KCNMA1: variants seen among roughly 807,000 people sequenced by gnomAD.
The protein encoded by KCNMA1 is Calcium-activated potassium channel subunit alpha-1.
KCNMA1 carries 29 observed loss-of-function variants against 140.0 expected under a neutral mutation model. That is an observed-to-expected ratio of 0.21 (90% confidence interval 0.15 to 0.28). The LOEUF (loss-of-function observed/expected upper bound fraction) is 0.28, where lower values mean the gene tolerates loss of function less well. KCNMA1 is among the 10% of genes least tolerant of loss of function. The pLI is 1.00. For missense variants in KCNMA1, 880 were observed against 1,602.2 expected, an observed-to-expected ratio of 0.55 and a Z score of 7.70; for synonymous variants, 612 against 611.9, an observed-to-expected ratio of 1.00 and a Z score of 0.00.
intron 9 of KCNMA1, chr10:77,090,890 G>A (rs2096797610): frequency 3.3e-6 from 1 of 304,454 alleles, no homozygotes; most frequent in Non-Finnish European, 6.4e-6. Context: ...CGTCCTCCGG[G>A]GAGATTTACT....
chr10:77,423,350 T>A (rs959291254), intron 1 of KCNMA1, among the ~76,000 whole-genome samples: 4 of 152,200 alleles, frequency 2.6e-5, no homozygotes, highest in Non-Finnish European at 5.9e-5. Flanking sequence ...CTCCTCTAGT[T>A]CTGAGCTATA....
chr10:76,971,949 G>A (rs577451619), intron 19 of KCNMA1, among the ~76,000 whole-genome samples: 235 of 151,530 alleles, frequency 1.6e-3, no homozygotes, highest in Non-Finnish European at 2.8e-3. Context: ...GCAATAATGG[G>A]GTAGAAAGGC....
chr10:77,151,093 C>G (rs1222564497), intron 5 of KCNMA1, among the ~76,000 whole-genome samples: 1 of 151,570 alleles, frequency 6.6e-6, no homozygotes, highest in African/African-American at 2.4e-5. Flanking sequence ...TTCTTTCTTT[C>G]TCTCTCTCTC....
At chr10:77,188,309 C>A (rs1368265777) in intron 3 of KCNMA1, among the ~76,000 whole-genome samples, 1 of 151,630 alleles carries the variant, frequency 6.6e-6, no homozygotes, top group African/African-American at 2.4e-5. Flanking sequence ...GTTTTATGAA[C>A]TGAAATAACA....
Position 77,255,265 on chromosome 10 carries a change from G to A in KCNMA1, c.541-4009C>T, listed in dbSNP as rs117923766. On this transcript the variant is annotated intron_variant, in intron 2 of 27. Coordinates refer to ENST00000286628, the MANE Select transcript of KCNMA1 (RefSeq NM_001161352.2). Reference sequence around the variant, plus strand: ...AACTCCAAGATCAAACAAGACATGTGTTTGCACAAAAGAATGCCAGGAACA... The same window carrying A: ...AACTCCAAGATCAAACAAGACATGTATTTGCACAAAAGAATGCCAGGAACA... Among the ~76,000 whole-genome samples, 111 of 152,278 alleles carry A rather than the reference G, an allele frequency of 7.3e-4. 2 individuals carry two copies. The East Asian group carries it at 0.019, about 25-fold the overall frequency.
At chr10:76,967,619 C>T (rs1460389029) in intron 20 of KCNMA1, among the ~76,000 whole-genome samples, 3 of 152,118 alleles carry the variant, frequency 2.0e-5, no homozygotes, top group African/African-American at 4.8e-5. Flanking sequence ...CATAGAAAGA[C>T]GTGGTAAGGG....
rs765441257 is a variant in KCNMA1 at position 76,909,965 on chromosome 10, C to T, written c.3147+1G>A. 6.2e-7 allele frequency: 1 copy of T among 1,613,440 alleles called. No individual in the cohort carries two copies. Among genetic ancestry groups the T allele is most frequent in the Non-Finnish European group, 8.5e-7 (1 of 1,179,858 alleles). ...GAGGAGGAGGGAACAGGATAACTCA[C>T]CGCGCTCATGAGTGAGTCCAGGACA... On this transcript the variant is annotated splice_donor_variant, in intron 25 of 27. Transcript: ENST00000286628. LOFTEE classifies it high-confidence loss of function.
intron 19 of KCNMA1, among the ~76,000 whole-genome samples, chr10:76,987,061 CTT>C (rs36062874): frequency 2.1e-3 from 294 of 139,638 alleles, no homozygotes; most frequent in Middle Eastern, 3.6e-3. Context: ...AGCCTTGAGA[CTT>C]TTTTTTTTTT....
intron 9 of KCNMA1, among the ~76,000 whole-genome samples, chr10:77,104,964 T>C (rs978524210): frequency 3.3e-5 from 5 of 152,312 alleles, no homozygotes; most frequent in African/African-American, 1.2e-4. Context: ...CAGGCTGGGC[T>C]GCAGGAGGGC....
At chr10:77,085,309 G>C (rs193033901) in intron 11 of KCNMA1, among the ~76,000 whole-genome samples, 1 of 152,274 alleles carries the variant, frequency 6.6e-6, no homozygotes, top group Admixed American at 6.5e-5. Context: ...ATCTATGTAT[G>C]AAATAATGTG....
At position 77,295,729 on chromosome 10, in the gene KCNMA1, C is replaced by A. The variant is rs573514993; in HGVS notation, c.541-44473G>T. ...CCGGGAGGCGGAGCTTGCAGTGAGC[C>A]GAGATTGCGCCACTGCAGTCCACAG... On this transcript the variant is annotated intron_variant, in intron 2 of 27. Transcript: ENST00000286628. 2.9e-4 allele frequency among the ~76,000 whole-genome samples: 39 copies of A among 132,484 alleles called. 1 individual carries two copies. Among genetic ancestry groups the A allele is most frequent in the African/African-American group, 1.1e-3 (38 of 35,118 alleles). 86.9% of individuals were successfully genotyped at this position (132,484 alleles called of 152,430 possible).
chr10:77,634,293 G>A, intron 1 of KCNMA1: 1 of 985,434 alleles, frequency 1.0e-6, no homozygotes, highest in Non-Finnish European at 1.2e-6. Context: ...TGGAATGACT[G>A]TGACCAAGTT....
chr10:76,990,648 CTT>C (rs1157225397), intron 19 of KCNMA1, among the ~76,000 whole-genome samples: 2 of 152,190 alleles, frequency 1.3e-5, no homozygotes, highest in Non-Finnish European at 2.9e-5. Flanking sequence ...TAGCATCTCT[CTT>C]CTCTGCAGGT....
chr10:77,129,056 C>T (rs150413627), intron 5 of KCNMA1, among the ~76,000 whole-genome samples: 294 of 152,330 alleles, frequency 1.9e-3, no homozygotes, highest in Non-Finnish European at 2.8e-3. Flanking sequence ...CCAGATTCAA[C>T]GGGTCTGGGA....
At chr10:77,579,699 C>G (rs2075297402) in intron 1 of KCNMA1, among the ~76,000 whole-genome samples, 1 of 152,082 alleles carries the variant, frequency 6.6e-6, no homozygotes, top group Non-Finnish European at 1.5e-5. Flanking sequence ...CAAGAGGCCT[C>G]TCTGGTGGCC....
chr10:77,190,542 C>T (rs1000445060), intron 3 of KCNMA1, among the ~76,000 whole-genome samples: 1 of 152,136 alleles, frequency 6.6e-6, no homozygotes, highest in African/African-American at 2.4e-5. Context: ...ATCTACAGAG[C>T]CTCGCCTGGG....
chr10:76,933,475 C>T (rs2059771534), intron 23 of KCNMA1, among the ~76,000 whole-genome samples: 1 of 152,212 alleles, frequency 6.6e-6, no homozygotes, highest in Admixed American at 6.5e-5. Context: ...CTTTAAGTAC[C>T]TTGGTTATAC....
chr10:77,036,290 G>C (rs983217703), intron 15 of KCNMA1, among the ~76,000 whole-genome samples: 10 of 152,130 alleles, frequency 6.6e-5, no homozygotes, highest in African/African-American at 2.4e-4. Flanking sequence ...AGCTTTCGGG[G>C]TGGCAGGACC....
intron 2 of KCNMA1, among the ~76,000 whole-genome samples, chr10:77,307,680 G>A (rs539561517): frequency 6.6e-6 from 1 of 152,218 alleles, no homozygotes; most frequent in South Asian, 2.1e-4. Context: ...CCAAGTAGCT[G>A]GGACTACAGG....
Sources: gnomAD v4.1 joint callset for allele counts (sites outside exome capture counted in the v4.1 genomes callset) on GRCh38, gnomAD v4.1.1 for gene constraint, MANE v1.5 for transcripts, NCBI Gene and HGNC (gene_info 2026-07-23, HGNC 2026-07-21) for gene names.